The following TRAK1 variants were observed in gnomAD, a reference collection of about 807,000 sequenced individuals.
TRAK1 encodes trafficking kinesin-binding protein 1.
A neutral mutation model predicts 92.1 loss-of-function variants in TRAK1; 33 were observed. The ratio of observed to expected loss-of-function variants is 0.36; its 90% CI spans 0.27 to 0.48. The LOEUF (loss-of-function observed/expected upper bound fraction) is 0.48. TRAK1 is among the 20% of genes least tolerant of loss of function. The pLI is 0.99. For synonymous variants in TRAK1, 521 were observed against 517.3 expected, an observed-to-expected ratio of 1.01 and a Z score of -0.10; for missense variants, 1,123 against 1,257.9, an observed-to-expected ratio of 0.89 and a Z score of 1.62.
At chr3:42,091,695 G>T (rs1372487444) in intron 1 of TRAK1, 135 bp downstream of exon 1, 1 of 788,336 alleles carries the variant, frequency 1.3e-6, no homozygotes. Context: ...ATGTGGTAGA[G>T]AAATTGCCAT....
At chr3:42,050,697 G>T (rs1193172219) in intron 1 of TRAK1, among the ~76,000 whole-genome samples, 1 of 151,610 alleles carries the variant, frequency 6.6e-6, no homozygotes, top group Admixed American at 6.6e-5. Flanking sequence ...TTGCTCTATT[G>T]CCCAGGTTGG....
At chr3:42,048,892 T>C (rs1004946439) in intron 1 of TRAK1, among the ~76,000 whole-genome samples, 1 of 152,098 alleles carries the variant, frequency 6.6e-6, no homozygotes, top group African/African-American at 2.4e-5. Flanking sequence ...ATAATATCCT[T>C]GTACATGGGA....
In TRAK1 at chr3:42,189,130, G is replaced by T. The variant is rs374727887; in HGVS notation, c.690+6G>T. The stretch of plus-strand genomic sequence containing the variant: ...ATGTTGTACTTCGATCCGAGGTGAT[G>T]TGCCCTCCCTTCTCTTGCCCCTGCT... On this transcript the variant is annotated splice_donor_region_variant and intron_variant, in intron 6 of 15. Transcript: ENST00000327628. 4.4e-6 allele frequency: 7 copies of T among 1,604,548 alleles called. No individual in the cohort carries two copies. The African/African-American group carries it at 8.0e-5, about 18-fold the overall frequency.
chr3:42,131,801 T>C (rs976734561), intron 2 of TRAK1, among the ~76,000 whole-genome samples: 3 of 151,036 alleles, frequency 2.0e-5, no homozygotes, highest in African/African-American at 7.3e-5. Flanking sequence ...CTCACGCCTG[T>C]AATCCCATCA....
intron 2 of TRAK1, among the ~76,000 whole-genome samples, chr3:42,133,621 T>C (rs550431154): frequency 1.8e-3 from 280 of 152,338 alleles, no homozygotes; most frequent in South Asian, 0.013. Flanking sequence ...GCCTTTTTCC[T>C]GCCTTCATAG....
intron 1 of TRAK1, among the ~76,000 whole-genome samples, chr3:42,124,137 TAAA>T (rs35151425): frequency 2.0e-5 from 3 of 147,050 alleles, no homozygotes. Flanking sequence ...GACACTGTCT[TAAA>T]AAAAAAAAAA....
intron 1 of TRAK1, among the ~76,000 whole-genome samples, chr3:42,074,040 G>C (rs1378836430): frequency 6.6e-6 from 1 of 152,178 alleles, no homozygotes; most frequent in African/African-American, 2.4e-5. Flanking sequence ...ACAGATGTAG[G>C]AGAATGGTCA....
At chr3:42,022,563 C>T (rs1460205858) in intron 1 of TRAK1, among the ~76,000 whole-genome samples, 1 of 151,720 alleles carries the variant, frequency 6.6e-6, no homozygotes, top group Non-Finnish European at 1.5e-5. Context: ...CTCTACAAAA[C>T]GTACTAAAAT....
intron 1 of TRAK1, among the ~76,000 whole-genome samples, chr3:42,118,176 C>T (rs1424493009): frequency 1.3e-5 from 2 of 152,048 alleles, no homozygotes; most frequent in African/African-American, 2.4e-5. Context: ...CTCCACCTCC[C>T]GGGTTCAAGC....
intron 1 of TRAK1, among the ~76,000 whole-genome samples, chr3:42,043,679 C>T (rs1206851136): frequency 6.6e-6 from 1 of 151,842 alleles, no homozygotes; most frequent in African/African-American, 2.4e-5. Flanking sequence ...GCTGTGTCTG[C>T]AGCGTTTGGC....
rs367869302 is a variant in TRAK1, at chr3:42,202,463, G to T, written c.1455G>T (p.Gly485=). The stretch of plus-strand genomic sequence containing the variant: ...ACGATGAGCGGAGTAAGAAGCCGGG[G>T]ACGCCGGGCACCCCAGGCTCCCACG... ...LGNDERSKKP[G]TPGTPGSHDL... Residue 485 remains glycine (G), a synonymous_variant, in exon 13 of 16, where the codon GGG becomes GGT. Coordinates refer to ENST00000327628, the MANE Select transcript of TRAK1 (RefSeq NM_001042646.3). This position sits in a 1 kb window ranked among gnomAD's most constrained non-coding sequence, Gnocchi z 6.1. 1 of 1,486,658 alleles carries T rather than the reference G, an allele frequency of 6.7e-7. No homozygotes were observed. The highest frequency in any genetic ancestry group is 9.0e-7 in the Non-Finnish European group (1 of 1,114,942). 92.1% of individuals were successfully genotyped at this position (1,486,658 alleles called of 1,614,324 possible).
At chr3:42,022,993 C>T (rs1438848703) in intron 1 of TRAK1, among the ~76,000 whole-genome samples, 2 of 151,706 alleles carry the variant, frequency 1.3e-5, no homozygotes, top group Middle Eastern at 3.4e-3. Context: ...CCTGTCTCCA[C>T]TAAAAATACA....
upstream of TRAK1, among the ~76,000 whole-genome samples, chr3:42,013,291 G>C (rs762583259): frequency 1.3e-5 from 2 of 152,208 alleles, no homozygotes; most frequent in Non-Finnish European, 2.9e-5. The surrounding 1 kb of genome is among the most constrained non-coding windows in gnomAD (Gnocchi z 5.1). Flanking sequence ...CTGTGTTCAC[G>C]ACAATCAGCG....
chr3:42,127,553 G>A (rs899302887), intron 2 of TRAK1, among the ~76,000 whole-genome samples: 3 of 151,918 alleles, frequency 2.0e-5, no homozygotes, highest in African/African-American at 7.3e-5. Flanking sequence ...GAGAGATGGG[G>A]TCTCCCTATG....
rs765767532 is a variant in TRAK1, at chr3:42,223,990, A to C, written c.*253A>C. ...CCACAGGAAGTGCCCCTGCACTGTCATCACTCTCACGAGGACGTCACCTGT... is the reference window on the plus strand; with the variant it reads ...CCACAGGAAGTGCCCCTGCACTGTCCTCACTCTCACGAGGACGTCACCTGT... On this transcript the variant is annotated 3_prime_UTR_variant, in exon 16 of 16. Coordinates refer to ENST00000327628, the MANE Select transcript of TRAK1 (RefSeq NM_001042646.3). The surrounding 1 kb of genome is among the most constrained non-coding windows in gnomAD (Gnocchi z 6.1). The C allele has an allele frequency of 2.0e-5, 13 of 638,124 alleles. No homozygotes were observed. Among genetic ancestry groups the C allele is most frequent in the South Asian group, 2.0e-4 (13 of 65,196 alleles). The allele number at this position is 638,124 out of a possible 1,614,324, so 39.5% of individuals were successfully genotyped here.
intron 1 of TRAK1, among the ~76,000 whole-genome samples, chr3:42,039,618 C>A (rs1396075774): frequency 6.6e-6 from 1 of 152,254 alleles, no homozygotes; most frequent in Non-Finnish European, 1.5e-5. Flanking sequence ...CCCACTTTGG[C>A]CTCCCAAAGT....
At chr3:42,122,837 G>A (rs1294976833) in intron 1 of TRAK1, among the ~76,000 whole-genome samples, 2 of 152,138 alleles carry the variant, frequency 1.3e-5, no homozygotes, top group Non-Finnish European at 2.9e-5. Flanking sequence ...AAGTGACGGA[G>A]CAGGTCTGGT....
In TRAK1 at chr3:42,188,037, T is replaced by C; in HGVS notation, c.481-8T>C. On this transcript the variant is annotated splice_region_variant and splice_polypyrimidine_tract_variant and intron_variant, in intron 4 of 15. Coordinates refer to ENST00000327628, the MANE Select transcript of TRAK1 (RefSeq NM_001042646.3). ...GAAGCAAATGATGGGCCTGCTCTGC[T>C]TGTGCAGGTGTCTCAGCTCCGGCAT... is the stretch of plus-strand genomic sequence containing the variant. 6.2e-7 allele frequency: 1 copy of C among 1,613,404 alleles called. No homozygotes were observed. The highest frequency in any genetic ancestry group is 8.5e-7 in the Non-Finnish European group (1 of 1,179,576).
chr3:42,107,320 C>T lies in TRAK1; in HGVS notation c.91+15760C>T, dbSNP rs111265267. Reference sequence around the variant, plus strand: ...CATGAGGTCAGGAGATTGAGATCATCGTGGCCAACATGAGGAAACCCGTCT... The same window carrying T: ...CATGAGGTCAGGAGATTGAGATCATTGTGGCCAACATGAGGAAACCCGTCT... On this transcript the variant is annotated intron_variant, in intron 1 of 15. Transcript: ENST00000327628. 7.2e-3 allele frequency among the ~76,000 whole-genome samples: 1,098 copies of T among 152,156 alleles called. 10 individuals carry two copies. The highest frequency in any genetic ancestry group is 0.014 in the Middle Eastern group (4 of 292).
Sources: allele counts gnomAD v4.1 joint callset (sites outside exome capture counted in the v4.1 genomes callset), GRCh38; gene constraint gnomAD v4.1.1; non-coding constraint Gnocchi (gnomAD v3.1); transcripts MANE v1.5; gene names NCBI Gene and HGNC (gene_info 2026-07-23, HGNC 2026-07-21).